Variants in SLC25A14 observed in about 807,000 individuals in gnomAD.
The protein encoded by SLC25A14 is brain mitochondrial carrier protein 1.
A neutral mutation model predicts 28.1 loss-of-function variants in SLC25A14; 8 were observed. That is an observed-to-expected ratio of 0.28 (90% CI 0.17 to 0.51). The LOEUF (loss-of-function observed/expected upper bound fraction) is 0.51. Ranked by LOEUF, SLC25A14 falls within the 20% of genes least tolerant of loss-of-function variation. The pLI is 0.97. For synonymous variants in SLC25A14, 74 were observed against 90.6 expected (o/e 0.82, Z 1.04); for missense variants, 135 against 263.8 (o/e 0.51, Z 3.38).
chrX:130,362,682 A>G (rs919745863), intron 7 of SLC25A14, among the ~76,000 whole-genome samples: 5 of 112,193 alleles, frequency 4.5e-5, no homozygotes, highest in African/African-American at 1.6e-4. Flanking sequence ...TTTATTTAAC[A>G]TGCTATCATG....
intron 6 of SLC25A14, 80 bp downstream of exon 6, chrX:130,350,811 C>A: frequency 1.8e-6 from 1 of 550,043 alleles, no homozygotes; most frequent in Non-Finnish European, 3.0e-6. Context: ...TGTCACTTGC[C>A]AGCTGTAGAA....
chrX:130,340,046 G>A, intron 1 of SLC25A14, 61 bp from the exon 2 acceptor site: 3 of 1,014,548 alleles, frequency 3.0e-6, no homozygotes, highest in Non-Finnish European at 3.8e-6. Context: ...GCGGGGCCGG[G>A]CTGGCCTGGT....
intron 6 of SLC25A14, among the ~76,000 whole-genome samples, chrX:130,352,769 T>C (rs912406623): frequency 8.9e-6 from 1 of 112,139 alleles, no homozygotes; most frequent in Admixed American, 9.5e-5. Context: ...AGTTATTTGG[T>C]TTTTGCTTGT....
At chrX:130,359,122 G>A (rs1252809022) in intron 7 of SLC25A14, 10 of 655,964 alleles carry the variant, frequency 1.5e-5, no homozygotes, top group East Asian at 8.4e-5. Context: ...GGAGGCCAAC[G>A]CGGGTGGATC....
chrX:130,354,303 C>T (rs1048208140), intron 6 of SLC25A14, among the ~76,000 whole-genome samples: 7 of 110,425 alleles, frequency 6.3e-5, no homozygotes, highest in African/African-American at 9.9e-5. Flanking sequence ...TTAGTAGAGA[C>T]GGGGTTTCAC....
intron 6 of SLC25A14, among the ~76,000 whole-genome samples, chrX:130,356,767 G>T (rs779268888): frequency 9.0e-6 from 1 of 111,697 alleles, no homozygotes; most frequent in South Asian, 3.8e-4. Flanking sequence ...GATCATCTTT[G>T]ATTCTTCTAT....
intron 9 of SLC25A14, among the ~76,000 whole-genome samples, chrX:130,369,655 G>C (rs1038146940): frequency 7.1e-5 from 8 of 111,950 alleles, no homozygotes; most frequent in African/African-American, 2.3e-4. Context: ...CTGGCCATGA[G>C]AGCTGGGAGA....
intron 6 of SLC25A14, 65 bp from the exon 7 acceptor site, chrX:130,358,575 T>C: frequency 2.8e-6 from 2 of 720,839 alleles, no homozygotes. Context: ...TTAAATGAAC[T>C]TAAAATGAAT....
At chrX:130,356,011 A>G (rs1308638349) in intron 6 of SLC25A14, among the ~76,000 whole-genome samples, 1 of 111,070 alleles carries the variant, frequency 9.0e-6, no homozygotes, top group African/African-American at 3.3e-5. Context: ...TTGTCCCAAT[A>G]TAGGGATGTT....
Position 130,346,537 on chromosome X carries a change from T to C in SLC25A14, c.170-7T>C, listed in dbSNP as rs1279013862. The stretch of plus-strand genomic sequence containing the variant: ...ACATACTTATAAATAAGTGTGTTCC[T>C]TTATAGGGACTTTCCCTGTGGACCT... On this transcript the variant is annotated splice_region_variant and splice_polypyrimidine_tract_variant and intron_variant, in intron 3 of 10. Coordinates refer to ENST00000545805, the MANE Select transcript of SLC25A14 (RefSeq NM_001282195.2). 1.7e-6 allele frequency: 2 copies of C among 1,199,846 alleles called. No homozygotes were observed. Among genetic ancestry groups the C allele is most frequent in the East Asian group, 3.0e-5 (1 of 33,791 alleles).
intron 7 of SLC25A14, among the ~76,000 whole-genome samples, chrX:130,363,803 G>A (rs1248510684): frequency 2.7e-5 from 3 of 111,486 alleles, no homozygotes; most frequent in Non-Finnish European, 5.7e-5. Context: ...GTGCAATCAT[G>A]GCTCACTGCA....
chrX:130,362,408 T>C (rs2033999370), intron 7 of SLC25A14, among the ~76,000 whole-genome samples: 1 of 110,567 alleles, frequency 9.0e-6, no homozygotes, highest in Admixed American at 9.7e-5. Flanking sequence ...CTTTTTAATA[T>C]AGTGGTTATC....
chrX:130,348,780 ACCC>A (rs3084881), intron 4 of SLC25A14, among the ~76,000 whole-genome samples: 598 of 46,286 alleles, frequency 0.013, 21 homozygotes, highest in African/African-American at 0.041. Context: ...TTGAGACTCT[ACCC>A]CCCCCCCCCC....
At chrX:130,340,699 C>G (rs1333216543) in intron 2 of SLC25A14, among the ~76,000 whole-genome samples, 1 of 110,942 alleles carries the variant, frequency 9.0e-6, no homozygotes, top group Non-Finnish European at 1.9e-5. Context: ...AACCTCAGTG[C>G]CAACAAGCAT....
chrX:130,357,931 A>G (rs771233379), intron 6 of SLC25A14, among the ~76,000 whole-genome samples: 40 of 112,369 alleles, frequency 3.6e-4, no homozygotes, highest in African/African-American at 1.2e-3. Context: ...ATTTTAAAAC[A>G]CATTTTTCAT....
chrX:130,369,308 A>G (rs2034207675), intron 9 of SLC25A14, among the ~76,000 whole-genome samples: 2 of 111,016 alleles, frequency 1.8e-5, no homozygotes, highest in East Asian at 5.6e-4. Context: ...AAAGATCCAG[A>G]TGGCTCACAA....
chrX:130,372,459 A>ATTTG (rs1253655187), intron 10 of SLC25A14, among the ~76,000 whole-genome samples: 7 of 83,295 alleles, frequency 8.4e-5, no homozygotes, highest in African/African-American at 2.8e-4. Flanking sequence ...TTATTTATTT[A>ATTTG]TTTATTTTTA....
At chrX:130,347,031 C>G (rs2033462410) in intron 4 of SLC25A14, among the ~76,000 whole-genome samples, 1 of 111,314 alleles carries the variant, frequency 9.0e-6, no homozygotes, top group South Asian at 3.8e-4. Context: ...ATTCTGACTT[C>G]CTTTAAAATT....
At chrX:130,364,799 C>CA (rs1187851092) in intron 8 of SLC25A14, 47 bp downstream of exon 8, 1 of 1,182,046 alleles carries the variant, frequency 8.5e-7, no homozygotes, top group South Asian at 1.8e-5. Flanking sequence ...ATTTTGAGCA[C>CA]AAAAAGCCTC....
Sources: allele counts gnomAD v4.1 joint callset (sites outside exome capture counted in the v4.1 genomes callset), GRCh38; gene constraint gnomAD v4.1.1; transcripts MANE v1.5; gene names NCBI Gene and HGNC (gene_info 2026-07-23, HGNC 2026-07-21).